The following NSD1 variants were observed in gnomAD, a reference collection of about 807,000 sequenced individuals.
The protein encoded by NSD1 is nuclear receptor binding SET domain protein 1, also known as histone-lysine N-methyltransferase, H3 lysine-36 specific.
In NSD1, 26 loss-of-function variants were observed where a neutral mutation model predicts 242.7. The observed-to-expected ratio is 0.11, with a 90% CI of 0.08 to 0.15. The LOEUF (loss-of-function observed/expected upper bound fraction) is 0.15. NSD1 is among the 10% of genes least tolerant of loss of function. The pLI is 1.00. For missense variants in NSD1, 2,495 were observed against 3,272.8 expected (o/e 0.76, Z 5.80); for synonymous variants, 1,106 against 1,178.1 (o/e 0.94, Z 1.25).
At chr5:177,262,717 A>T (rs900058853) in intron 14 of NSD1, among the ~76,000 whole-genome samples, 4 of 152,230 alleles carry the variant, frequency 2.6e-5, no homozygotes, top group African/African-American at 9.7e-5. Context: ...CATCTCTGCT[A>T]AAAATACAAA....
rs1757786512 is a variant in NSD1, at chr5:177,269,484, G to A, written c.5304-118G>A. The A allele has an allele frequency of 1.1e-6, 1 of 887,228 alleles. No individual in the cohort carries two copies. Among genetic ancestry groups the A allele is most frequent in the African/African-American group, 1.6e-5 (1 of 60,738 alleles). The allele number at this position is 887,228 out of a possible 1,614,324, so 55.0% of individuals were successfully genotyped here. A position where few individuals can be genotyped will look rare whatever the true frequency, so the allele number is the denominator to read the frequency against. ...TAGTTAGGTTGTAAGAATGCCGTAA[G>A]ATGGACTTTAATGTGGACAGACAGA... On this transcript the variant is annotated intron_variant, in intron 15 of 22. Coordinates refer to ENST00000439151, the MANE Select transcript of NSD1 (RefSeq NM_022455.5). The surrounding 1 kb of genome is among the most constrained non-coding windows in gnomAD (Gnocchi z 5.1).
rs1383305475 is a variant in NSD1 at position 177,237,852 on chromosome 5, T to C, written c.3922-385T>C. ...CCAGCCTATTTTATCCATTTTTAAG[T>C]GTACAGTTCAGTAGCATGAAGCACA... On this transcript the variant is annotated intron_variant, in intron 6 of 22. Transcript: ENST00000439151. Among the ~76,000 whole-genome samples, 3 of 152,278 alleles carry C rather than the reference T, an allele frequency of 2.0e-5. No homozygotes were observed. In the East Asian group the frequency reaches 5.8e-4, roughly 29 times the overall value.
chr5:177,235,840 A>T lies in NSD1; in HGVS notation c.3816A>T (p.Lys1272Asn). Reference protein sequence around the residue: ...LPEPAVRSEKKRLRKPSKWLL... With the variant: ...LPEPAVRSEKNRLRKPSKWLL... ...TTTTAGCTGTGCGGTCAGAGAAGAA[A>T]CGCCTTAGGAAGCCAAGCAAGTGGC... Residue 1272 changes from lysine to asparagine, a missense_variant, in exon 6 of 23, where the codon AAA becomes AAT. This residue lies in a region of NSD1 where 426 missense variants were observed against 411.4 expected (regional missense o/e 1.04). Transcript: ENST00000439151. 1 of 1,614,042 alleles carries T rather than the reference A, an allele frequency of 6.2e-7. No individual in the cohort carries two copies. The highest frequency in any genetic ancestry group is 8.5e-7 in the Non-Finnish European group (1 of 1,179,918).
At chr5:177,139,475 G>GAATGC (rs1459843403) in intron 2 of NSD1, among the ~76,000 whole-genome samples, 2 of 149,842 alleles carry the variant, frequency 1.3e-5, no homozygotes, top group African/African-American at 4.9e-5. Flanking sequence ...GTCAATCTTA[G>GAATGC]AATGCAAAGT....
At chr5:177,288,592 G>A (rs979805063) in intron 20 of NSD1, 23 of 482,914 alleles carry the variant, frequency 4.8e-5, no homozygotes, top group African/African-American at 4.5e-4. Context: ...ACCTCTGGAG[G>A]AAGAGTTATC....
rs751258086 is a variant in NSD1 at position 177,210,762 on chromosome 5, G to A, written c.2363G>A (p.Arg788Gln). 5.6e-6 allele frequency: 9 copies of A among 1,614,046 alleles called. No homozygotes were observed. The highest frequency in any genetic ancestry group is 6.8e-6 in the Non-Finnish European group (8 of 1,180,036). ...LHSKSKQPKF[R>Q]SIKCKHKENP... ...TCGAAAAGCAAACAGCCCAAGTTCC[G>A]AAGTATAAAGTGCAAACACAAAGAA... The change falls in exon 5 of 23, where the codon CGA becomes CAA. Residue 788 changes from arginine (R) to glutamine (Q), a missense_variant. By Grantham distance (43) the Arg-to-Gln change is conservative (BLOSUM62 1). Coordinates refer to ENST00000439151, the MANE Select transcript of NSD1 (RefSeq NM_022455.5).
chr5:177,132,772 C>A (rs1221226985), upstream of NSD1, among the ~76,000 whole-genome samples: 1 of 151,910 alleles, frequency 6.6e-6, no homozygotes, highest in Non-Finnish European at 1.5e-5. This position sits in a 1 kb window ranked among gnomAD's most constrained non-coding sequence, Gnocchi z 7.5. Flanking sequence ...GAGCCGCTCA[C>A]CCCGCACGGC....
chr5:177,165,378 C>T (rs1239315823), intron 2 of NSD1, among the ~76,000 whole-genome samples: 2 of 151,940 alleles, frequency 1.3e-5, no homozygotes, highest in African/African-American at 2.4e-5. Flanking sequence ...CATGTTGGCC[C>T]GATTGGTCTC....
At chr5:177,154,927 C>G (rs935037945) in intron 2 of NSD1, among the ~76,000 whole-genome samples, 1 of 151,848 alleles carries the variant, frequency 6.6e-6, no homozygotes, top group Admixed American at 6.6e-5. Context: ...AACTCCTGAC[C>G]TCAGGTTATC....
intron 21 of NSD1, among the ~76,000 whole-genome samples, chr5:177,289,593 T>C (rs1183074858): frequency 6.6e-6 from 1 of 152,130 alleles, no homozygotes; most frequent in Non-Finnish European, 1.5e-5. Context: ...TCCCTGTCTT[T>C]CTCTCACTTT....
At chr5:177,163,056 C>T (rs181968217) in intron 2 of NSD1, among the ~76,000 whole-genome samples, 12 of 152,134 alleles carry the variant, frequency 7.9e-5, no homozygotes, top group African/African-American at 2.9e-4. Flanking sequence ...TACTGCTGGC[C>T]TTCAAAAGTA....
chr5:177,156,892 G>A (rs1047518493), intron 2 of NSD1, among the ~76,000 whole-genome samples: 3 of 151,904 alleles, frequency 2.0e-5, no homozygotes, highest in South Asian at 4.2e-4. Context: ...AATAGCTTGT[G>A]CCCAGGAGGC....
chr5:177,155,561 CTTTT>C (rs58025377), intron 2 of NSD1, among the ~76,000 whole-genome samples: 2 of 96,600 alleles, frequency 2.1e-5, no homozygotes, highest in African/African-American at 7.0e-5. Flanking sequence ...ACCGCACTGG[CTTTT>C]TTTTTTTTTT....
At position 177,296,584 on chromosome 5, in the gene NSD1, AGAATT is replaced by A. The variant is rs1227215366; in HGVS notation, c.*1127_*1131del. 1 of 232,964 alleles carries A rather than the reference AGAATT, an allele frequency of 4.3e-6. No individual in the cohort carries two copies. Among genetic ancestry groups the A allele is most frequent in the Non-Finnish European group, 8.5e-6 (1 of 118,018 alleles). The allele number at this position is 232,964 out of a possible 1,614,324, so 14.4% of individuals were successfully genotyped here. On this transcript the variant is annotated 3_prime_UTR_variant, in exon 23 of 23. Coordinates refer to ENST00000439151, the MANE Select transcript of NSD1 (RefSeq NM_022455.5). ...GGGAGTCCTCTTCTTCGCCTCCCTG[AGAATT>A]GCTGTGCTCTGTATTGAGAGCACCT...
chr5:177,217,474 C>G (rs1164648603), intron 5 of NSD1, among the ~76,000 whole-genome samples: 1 of 152,118 alleles, frequency 6.6e-6, no homozygotes, highest in Non-Finnish European at 1.5e-5. Flanking sequence ...CCTAATTACT[C>G]TGCTAGGACT....
intron 17 of NSD1, among the ~76,000 whole-genome samples, chr5:177,274,332 G>A (rs1758180633): frequency 6.6e-6 from 1 of 152,082 alleles, no homozygotes; most frequent in Admixed American, 6.6e-5. Flanking sequence ...ACATTTTTAT[G>A]TCATTTATAT....
intron 2 of NSD1, among the ~76,000 whole-genome samples, chr5:177,190,541 C>T (rs945873718): frequency 2.5e-4 from 38 of 152,194 alleles, no homozygotes; most frequent in Admixed American, 2.1e-3. Context: ...CTGCCTACCT[C>T]GGCCTCCCAG....
At chr5:177,162,614 T>C (rs1758852324) in intron 2 of NSD1, among the ~76,000 whole-genome samples, 1 of 152,148 alleles carries the variant, frequency 6.6e-6, no homozygotes, top group Non-Finnish European at 1.5e-5. Flanking sequence ...ACTTGTGAGC[T>C]CAAGCGATCC....
chr5:177,198,904 C>T (rs1762300963), intron 3 of NSD1, among the ~76,000 whole-genome samples: 2 of 152,234 alleles, frequency 1.3e-5, no homozygotes, highest in Non-Finnish European at 2.9e-5. Context: ...CTTCCTCTGT[C>T]TCCATCTTTC....
Sources: gnomAD v4.1 joint callset for allele counts (sites outside exome capture counted in the v4.1 genomes callset) on GRCh38, gnomAD v4.1.1 for gene constraint, gnomAD v4.1.1 regional missense constraint, Gnocchi (gnomAD v3.1) non-coding constraint, MANE v1.5 for transcripts, NCBI Gene and HGNC (gene_info 2026-07-23, HGNC 2026-07-21) for gene names.